DOCK3: variants seen among roughly 807,000 people sequenced by gnomAD.
The protein encoded by DOCK3 is dedicator of cytokinesis protein 3.
DOCK3 carries 60 observed loss-of-function variants against 265.6 expected under a neutral mutation model. The observed-to-expected ratio is 0.23, with a 90% CI of 0.18 to 0.28. DOCK3 has a LOEUF of 0.28. Ranked by LOEUF, DOCK3 falls within the 10% of genes least tolerant of loss-of-function variation. The pLI is 1.00. For missense variants in DOCK3, 1,981 were observed against 2,594.3 expected (o/e 0.76, Z 5.14); for synonymous variants, 881 against 938.0 (o/e 0.94, Z 1.11).
At chr3:50,685,032 T>A (rs914329569) in intron 1 of DOCK3, among the ~76,000 whole-genome samples, 14 of 151,774 alleles carry the variant, frequency 9.2e-5, no homozygotes, top group Non-Finnish European at 1.6e-4. Flanking sequence ...GTTTTTTTTT[T>A]ATTGTATATA....
chr3:50,914,692 G>A (rs914744602), intron 4 of DOCK3, among the ~76,000 whole-genome samples: 7 of 152,070 alleles, frequency 4.6e-5, no homozygotes, highest in Admixed American at 4.6e-4. Context: ...GTTCTTTAAT[G>A]TCTGTTTGGT....
rs559789728 is a variant in DOCK3, at chr3:51,041,109, G to T, written c.316-23339G>T. ...TTCTAGAAGATTTTCAATTTACTTT[G>T]CCCAGATCCATCAGAGGAATCACTA... On this transcript the variant is annotated intron_variant, in intron 5 of 52. Coordinates refer to ENST00000266037, the MANE Select transcript of DOCK3 (RefSeq NM_004947.5). Among the ~76,000 whole-genome samples the T allele has an allele frequency of 2.8e-4, 35 of 123,486 alleles. 1 individual carries two copies. The highest frequency in any genetic ancestry group is 1.0e-3 in the African/African-American group (35 of 33,536). 81.0% of individuals were successfully genotyped at this position (123,486 alleles called of 152,430 possible).
chr3:50,987,891 CT>C (rs2077962025), intron 5 of DOCK3, among the ~76,000 whole-genome samples: 1 of 152,196 alleles, frequency 6.6e-6, no homozygotes, highest in Non-Finnish European at 1.5e-5. Flanking sequence ...GACAGAGCTA[CT>C]TGGAGTCTCA....
intron 12 of DOCK3, among the ~76,000 whole-genome samples, chr3:51,187,361 C>T (rs1039946345): frequency 6.6e-6 from 1 of 152,150 alleles, no homozygotes; most frequent in Admixed American, 6.5e-5. Flanking sequence ...AAGCCTGTAC[C>T]CCCATTATAT....
chr3:50,807,046 G>A (rs369933974), intron 2 of DOCK3, among the ~76,000 whole-genome samples: 3 of 152,068 alleles, frequency 2.0e-5, no homozygotes, highest in Admixed American at 2.0e-4. Context: ...TTGGCGAGAC[G>A]GTGCTGCAGA....
chr3:50,765,973 A>G (rs1042205384), intron 1 of DOCK3, among the ~76,000 whole-genome samples: 2 of 151,672 alleles, frequency 1.3e-5, no homozygotes, highest in African/African-American at 4.9e-5. Context: ...TATTCTCTAC[A>G]TCTGTGGGAT....
At chr3:50,755,637 A>G (rs2040111838) in intron 1 of DOCK3, among the ~76,000 whole-genome samples, 1 of 152,214 alleles carries the variant, frequency 6.6e-6, no homozygotes, top group Non-Finnish European at 1.5e-5. Flanking sequence ...TCTCCCAGGA[A>G]AGAAACTCTG....
chr3:51,253,441 ACCAGCTCCTCT>A (rs2079372643), intron 22 of DOCK3, among the ~76,000 whole-genome samples: 1 of 152,206 alleles, frequency 6.6e-6, no homozygotes, highest in African/African-American at 2.4e-5. Context: ...AAGGAGTGGT[ACCAGCTCCTCT>A]TTATACCTCT....
intron 4 of DOCK3, among the ~76,000 whole-genome samples, chr3:50,903,921 C>A (rs1302655322): frequency 6.6e-6 from 1 of 152,074 alleles, no homozygotes; most frequent in South Asian, 2.1e-4. Flanking sequence ...CCACTCCCCC[C>A]ACCCCACAAC....
At chr3:51,130,092 G>C (rs1208533583) in intron 9 of DOCK3, among the ~76,000 whole-genome samples, 6 of 152,184 alleles carry the variant, frequency 3.9e-5, no homozygotes. Flanking sequence ...CACACCACTG[G>C]ACTCCTAGAA....
At chr3:51,103,931 G>A (rs183909148) in intron 9 of DOCK3, among the ~76,000 whole-genome samples, 125 of 152,268 alleles carry the variant, frequency 8.2e-4, no homozygotes, top group Middle Eastern at 3.4e-3. Context: ...TGAGGGAGAA[G>A]CAGACAAAAA....
intron 9 of DOCK3, among the ~76,000 whole-genome samples, chr3:51,108,145 TCTC>T (rs1262747133): frequency 3.3e-5 from 5 of 152,002 alleles, no homozygotes; most frequent in African/African-American, 7.2e-5. Flanking sequence ...TTCAAGCAGT[TCTC>T]CTCAGCCTCC....
intron 2 of DOCK3, among the ~76,000 whole-genome samples, chr3:50,832,867 G>T (rs983200839): frequency 6.6e-6 from 1 of 152,114 alleles, no homozygotes; most frequent in Non-Finnish European, 1.5e-5. Flanking sequence ...GCATTGGTTT[G>T]TCGAGGGCCG....
intron 9 of DOCK3, 83 bp downstream of exon 9, chr3:51,090,467 A>G (rs1264925749): frequency 2.1e-5 from 29 of 1,393,684 alleles, no homozygotes; most frequent in Non-Finnish European, 2.8e-5. Flanking sequence ...GAGAAGACAG[A>G]TGCACAGAAG....
intron 21 of DOCK3, among the ~76,000 whole-genome samples, 166 bp downstream of exon 21, chr3:51,237,756 C>T (rs2078412879): frequency 6.6e-6 from 1 of 152,096 alleles, no homozygotes; most frequent in Non-Finnish European, 1.5e-5. Flanking sequence ...CCATCTTAAC[C>T]ATTTTCTGAG....
At chr3:51,378,340 C>T (rs1196135750) in intron 51 of DOCK3, among the ~76,000 whole-genome samples, 1 of 152,208 alleles carries the variant, frequency 6.6e-6, no homozygotes, top group African/African-American at 2.4e-5. Flanking sequence ...ATGGATGTCA[C>T]AGTCTTATCC....
intron 2 of DOCK3, among the ~76,000 whole-genome samples, chr3:50,833,641 A>G (rs1244568033): frequency 6.6e-6 from 1 of 152,110 alleles, no homozygotes. Context: ...ACAGGTCTGG[A>G]ATCTTGTACA....
chr3:50,928,946 C>CT (rs1021913273), intron 4 of DOCK3, among the ~76,000 whole-genome samples: 2 of 152,146 alleles, frequency 1.3e-5, no homozygotes, highest in Non-Finnish European at 2.9e-5. Flanking sequence ...ATAAAACACA[C>CT]TTTTTGTTAG....
intron 2 of DOCK3, among the ~76,000 whole-genome samples, chr3:50,837,822 A>T (rs1056818471): frequency 8.5e-5 from 13 of 152,160 alleles, no homozygotes; most frequent in Non-Finnish European, 1.8e-4. Flanking sequence ...TGGTGCAAAA[A>T]GTATAAAGGT....
Sources: gnomAD v4.1 joint callset for allele counts (sites outside exome capture counted in the v4.1 genomes callset) on GRCh38, gnomAD v4.1.1 for gene constraint, MANE v1.5 for transcripts, NCBI Gene and HGNC (gene_info 2026-07-23, HGNC 2026-07-21) for gene names.